FBL: variants seen among roughly 807,000 people sequenced by gnomAD.
FBL encodes the protein fibrillarin rRNA 2'-O-methyltransferase.
FBL carries 10 observed loss-of-function variants against 42.2 expected under a neutral mutation model. That is an observed-to-expected ratio of 0.24 (90% CI 0.15 to 0.40). The LOEUF is 0.40. FBL is among the 10% of genes least tolerant of loss of function. The probability of loss-of-function intolerance (pLI) is 1.00; values close to 1 mark genes in which losing one functional copy is unlikely to be tolerated. For synonymous variants in FBL, 165 were observed against 165.4 expected, an observed-to-expected ratio of 1.00 and a Z score of 0.02; for missense variants, 351 against 439.2, an observed-to-expected ratio of 0.80 and a Z score of 1.79.
chr19:39,840,770 C>A lies in FBL; in HGVS notation c.28G>T (p.Gly10Cys). The A allele has an allele frequency of 6.4e-7, 1 of 1,562,614 alleles. No individual in the cohort carries two copies. The change falls in exon 2 of 9, where the codon GGT (glycine) becomes TGT (cysteine). Residue 10 changes from glycine (G) to cysteine (C), a missense_variant. By Grantham distance (159) the Gly-to-Cys change is radical. Coordinates refer to ENST00000221801, the MANE Select transcript of FBL (RefSeq NM_001436.4). The surrounding 1 kb of genome is among the most constrained non-coding windows in gnomAD (Gnocchi z 4.5). The stretch of plus-strand genomic sequence containing the variant: ...AAGCCCCCTCGGCCGCCAAAGCCAC[C>A]CCCACGGGGACTGAATCCTGTGGGG... MKPGFSPRG[G>C]GFGGRGGFGD... is the part of the protein sequence containing the mutation.
At chr19:39,838,064 A>G in intron 5 of FBL, 1 of 486,418 alleles carries the variant, frequency 2.1e-6, no homozygotes, top group Non-Finnish European at 3.6e-6. Flanking sequence ...AAAGTACCCA[A>G]TCCCATCTGC....
At chr19:39,839,280 T>C in intron 4 of FBL, 75 bp from the exon 5 acceptor site, 2 of 1,285,040 alleles carry the variant, frequency 1.6e-6, no homozygotes, top group Non-Finnish European at 1.1e-6. Context: ...CCTAGGAGCC[T>C]TGAAAGGAAC....
rs1385538529 is a variant in FBL, at chr19:39,840,719, G to T, written c.79C>A (p.Arg27=). The change falls in exon 2 of 9, where the codon CGA becomes AGA. Residue 27 remains arginine, a synonymous_variant. Coordinates refer to ENST00000221801, the MANE Select transcript of FBL (RefSeq NM_001436.4). The surrounding 1 kb of genome is among the most constrained non-coding windows in gnomAD (Gnocchi z 4.5). ...CCTCGGCCCCCGCCAAAGCCCCCTC[G>T]GCCTCCACGACCACCACGGTCACCA... ...GFGDRGGRGG[R]GGFGGGRGRG... 1 of 1,579,410 alleles carries T rather than the reference G, an allele frequency of 6.3e-7. No individual in the cohort carries two copies. Among genetic ancestry groups the T allele is most frequent in the Admixed American group, 1.9e-5 (1 of 53,672 alleles).
chr19:39,835,789 G>C (rs1010365124), intron 7 of FBL, among the ~76,000 whole-genome samples: 1 of 152,076 alleles, frequency 6.6e-6, no homozygotes, highest in African/African-American at 2.4e-5. Context: ...AGCCAGGTGT[G>C]GTGGCACACG....
At chr19:39,838,912 G>T in intron 5 of FBL, 123 bp downstream of exon 5, 1 of 836,420 alleles carries the variant, frequency 1.2e-6, no homozygotes, top group Non-Finnish European at 1.9e-6. Context: ...CACAGGCACA[G>T]TGACAGAAAA....
chr19:39,845,563 AT>A (rs1460691686), intron 1 of FBL, among the ~76,000 whole-genome samples: 1 of 152,198 alleles, frequency 6.6e-6, no homozygotes, highest in Non-Finnish European at 1.5e-5. Flanking sequence ...TTTCAGCAGA[AT>A]CTAGTGGAAA....
At chr19:39,837,613 T>C in intron 6 of FBL, 98 bp downstream of exon 6, 1 of 1,121,460 alleles carries the variant, frequency 8.9e-7, no homozygotes, top group Non-Finnish European at 1.3e-6. Context: ...GGTCTGCTCA[T>C]CCACTCCAAC....
intron 1 of FBL, among the ~76,000 whole-genome samples, chr19:39,845,792 C>G (rs1315473555): frequency 6.6e-6 from 1 of 152,174 alleles, no homozygotes; most frequent in African/African-American, 2.4e-5. Flanking sequence ...TCCACTCCGG[C>G]CCACTCGGAA....
intron 1 of FBL, among the ~76,000 whole-genome samples, chr19:39,842,088 GC>G (rs1969172241): frequency 6.8e-6 from 1 of 147,540 alleles, no homozygotes; most frequent in African/African-American, 2.5e-5. Flanking sequence ...TCATAAGCTT[GC>G]TTTTTTTTTT....
At chr19:39,836,831 G>C (rs1969058128) in intron 6 of FBL, among the ~76,000 whole-genome samples, 163 bp from the exon 7 acceptor site, 1 of 152,192 alleles carries the variant, frequency 6.6e-6, no homozygotes, top group African/African-American at 2.4e-5. Context: ...GTCCCAAGAT[G>C]AGTCCAAAAC....
intron 1 of FBL, among the ~76,000 whole-genome samples, chr19:39,844,978 C>A (rs1191456438): frequency 1.3e-5 from 2 of 152,064 alleles, no homozygotes; most frequent in African/African-American, 2.4e-5. Context: ...GACCAGAATG[C>A]CTGCAGGCAA....
intron 1 of FBL, among the ~76,000 whole-genome samples, chr19:39,845,613 C>A (rs1969249209): frequency 1.3e-5 from 2 of 152,182 alleles, no homozygotes; most frequent in Admixed American, 1.3e-4. Context: ...GTGACAACCA[C>A]CCGCCCCACC....
In FBL at chr19:39,840,044, A is replaced by G. The variant is rs1057142991; in HGVS notation, c.378+189T>C. The stretch of plus-strand genomic sequence containing the variant: ...CACAGGGTCTTGGAGGCCTGAGTGA[A>G]GACTCAGGAGTCTAACTGGAAGGCC... On this transcript the variant is annotated intron_variant, in intron 4 of 8. Coordinates refer to ENST00000221801, the MANE Select transcript of FBL (RefSeq NM_001436.4). This position sits in a 1 kb window ranked among gnomAD's most constrained non-coding sequence, Gnocchi z 4.5. Among the ~76,000 whole-genome samples the G allele has an allele frequency of 5.9e-5, 9 of 152,150 alleles. No homozygotes were observed. The highest frequency in any genetic ancestry group is 9.7e-5 in the African/African-American group (4 of 41,430).
intron 6 of FBL, among the ~76,000 whole-genome samples, chr19:39,836,986 C>T (rs779625650): frequency 2.4e-4 from 36 of 152,286 alleles, no homozygotes; most frequent in South Asian, 1.2e-3. Context: ...GGTGGGGAGA[C>T]AGACACGTCA....
rs759726928 is a variant in FBL at position 39,834,809 on chromosome 19, T to C, written c.800A>G (p.Asn267Ser). 5.6e-6 allele frequency: 9 copies of C among 1,614,228 alleles called. No homozygotes were observed. Among genetic ancestry groups the C allele is most frequent in the Non-Finnish European group, 7.6e-6 (9 of 1,180,030 alleles). Residue 267 changes from asparagine (N) to serine (S), a missense_variant, in exon 8 of 9, where the codon AAC becomes AGC. Physicochemically the swap from Asn to Ser is conservative, Grantham distance 46. Transcript: ENST00000221801. Reference sequence around the variant, plus strand: ...GGCTGAGGCTGTGGAGTCAATGCAGTTGGCCTAAAGAGGAGAAAGGACTAA... The same window carrying C: ...GGCTGAGGCTGTGGAGTCAATGCAGCTGGCCTAAAGAGGAGAAAGGACTAA... Reference protein sequence around the residue: ...GGHFVISIKANCIDSTASAEA... With the variant: ...GGHFVISIKASCIDSTASAEA...
Position 39,837,699 on chromosome 19 carries a change from C to T in FBL, c.682+12G>A. 1 of 1,557,952 alleles carries T rather than the reference C, an allele frequency of 6.4e-7. No individual in the cohort carries two copies. The highest frequency in any genetic ancestry group is 8.7e-7 in the Non-Finnish European group (1 of 1,155,540). ...TGTCCTACCCCACCGGGGCCACCCC[C>T]AGACCCCTCACCGATGAGCATGCGG... On this transcript the variant is annotated intron_variant, in intron 6 of 8. Transcript: ENST00000221801.
rs767999959 is a variant in FBL, at chr19:39,840,485, C to T, written c.212G>A (p.Gly71Asp). 2 of 1,614,186 alleles carry T rather than the reference C, an allele frequency of 1.2e-6. No individual in the cohort carries two copies. The highest frequency in any genetic ancestry group is 2.2e-5 in the South Asian group (2 of 91,080). The change falls in exon 3 of 9, where the codon GGT (glycine) becomes GAT (aspartate). Residue 71 changes from glycine (G) to aspartate (D), a missense_variant. Coordinates refer to ENST00000221801, the MANE Select transcript of FBL (RefSeq NM_001436.4). The surrounding 1 kb of genome is among the most constrained non-coding windows in gnomAD (Gnocchi z 4.5). ...GGGFHSGGNR[G>D]RGRGGKRGNQ... ...TCCTCTTTTTCCTCCCCGACCACGA[C>T]CCCGGTTGCCACCAGAATGGAAGCC...
At chr19:39,835,678 C>A (rs1969031071) in intron 7 of FBL, among the ~76,000 whole-genome samples, 3 of 152,138 alleles carry the variant, frequency 2.0e-5, no homozygotes, top group African/African-American at 7.2e-5. Flanking sequence ...GTAATCCTAG[C>A]ACTTTGGGAG....
At position 39,837,723 on chromosome 19, in the gene FBL, G is replaced by T; in HGVS notation, c.670C>A (p.Arg224Ser). 1 of 1,580,202 alleles carries T rather than the reference G, an allele frequency of 6.3e-7. No homozygotes were observed. The highest frequency in any genetic ancestry group is 8.6e-7 in the Non-Finnish European group (1 of 1,164,732). Residue 224 changes from arginine (R) to serine (S), a missense_variant, in exon 6 of 9, where the codon CGC (arginine) becomes AGC (serine). Physicochemically the swap from Arg to Ser is moderately radical, Grantham distance 110 (BLOSUM62 -1). Coordinates refer to ENST00000221801, the MANE Select transcript of FBL (RefSeq NM_001436.4). ...CCAGACCCCTCACCGATGAGCATGC[G>T]GTATTTGTGTGGGTGTCGAGCATCC... ...IEDARHPHKY[R>S]MLIAMVDVIF...
Sources: allele counts gnomAD v4.1 joint callset (sites outside exome capture counted in the v4.1 genomes callset), GRCh38; gene constraint gnomAD v4.1.1; non-coding constraint Gnocchi (gnomAD v3.1); transcripts MANE v1.5; gene names NCBI Gene and HGNC (gene_info 2026-07-23, HGNC 2026-07-21).